RIMS2: variants seen among roughly 807,000 people sequenced by gnomAD.
RIMS2 encodes regulating synaptic membrane exocytosis protein 2.
Under a neutral mutation model 174.4 loss-of-function variants are expected in RIMS2, and 59 were observed. That is an observed-to-expected ratio of 0.34 (90% CI 0.27 to 0.42). RIMS2 has a LOEUF of 0.42. Ranked by LOEUF, RIMS2 falls within the 10% of genes least tolerant of loss-of-function variation. The probability of loss-of-function intolerance (pLI) is 1.00; values close to 1 mark genes in which losing one functional copy is unlikely to be tolerated. For missense variants in RIMS2, 1,620 were observed against 1,666.3 expected (o/e 0.97, Z 0.48); for synonymous variants, 606 against 572.5 (o/e 1.06, Z -0.84).
chr8:103,947,280 C>T (rs757931888), intron 14 of RIMS2, among the ~76,000 whole-genome samples: 13 of 152,130 alleles, frequency 8.5e-5, no homozygotes, highest in African/African-American at 2.7e-4. Flanking sequence ...ATTTGCTTTT[C>T]AAGACATCAT....
chr8:103,505,701 G>A (rs1823167065), intron 1 of RIMS2, among the ~76,000 whole-genome samples: 1 of 152,152 alleles, frequency 6.6e-6, no homozygotes, highest in African/African-American at 2.4e-5. Flanking sequence ...TGTAGAGGAA[G>A]TGTGTATAAG....
chr8:103,884,333 C>A (rs967157458), intron 3 of RIMS2, among the ~76,000 whole-genome samples: 1 of 151,882 alleles, frequency 6.6e-6, no homozygotes, highest in Non-Finnish European at 1.5e-5. Flanking sequence ...CTGGCAAAAT[C>A]CCCATAATAG....
chr8:104,147,826 T>A (rs1050906454), intron 19 of RIMS2, among the ~76,000 whole-genome samples: 3 of 152,188 alleles, frequency 2.0e-5, no homozygotes, highest in Non-Finnish European at 4.4e-5. Flanking sequence ...AAATCCAAAG[T>A]CATTTCTTTA....
chr8:103,745,739 T>G (rs990347157), intron 2 of RIMS2, among the ~76,000 whole-genome samples: 1 of 152,224 alleles, frequency 6.6e-6, no homozygotes, highest in South Asian at 2.1e-4. Flanking sequence ...GCATTACTTC[T>G]TATGCTTTTT....
At chr8:104,049,126 TAAA>T (rs397891918) in intron 19 of RIMS2, among the ~76,000 whole-genome samples, 4 of 139,822 alleles carry the variant, frequency 2.9e-5, no homozygotes, top group Admixed American at 7.2e-5. Flanking sequence ...GATTTTTCTT[TAAA>T]AAAAAAAAAA....
chr8:104,119,460 T>G (rs2098337827), intron 19 of RIMS2, among the ~76,000 whole-genome samples: 1 of 152,172 alleles, frequency 6.6e-6, no homozygotes, highest in Non-Finnish European at 1.5e-5. Flanking sequence ...GGAAAAATGC[T>G]TAGCAAAAGA....
intron 1 of RIMS2, among the ~76,000 whole-genome samples, chr8:103,533,286 G>A (rs1481641348): frequency 6.6e-6 from 1 of 152,170 alleles, no homozygotes; most frequent in Non-Finnish European, 1.5e-5. Flanking sequence ...AAAGAGTTGA[G>A]GGTATTGGGA....
intron 2 of RIMS2, among the ~76,000 whole-genome samples, chr8:103,748,212 C>G (rs1287646430): frequency 6.6e-6 from 1 of 151,958 alleles, no homozygotes; most frequent in Non-Finnish European, 1.5e-5. Flanking sequence ...GAGGCTGAGA[C>G]AGGCAGATTC....
At chr8:103,852,617 T>C (rs1490434746) in intron 3 of RIMS2, among the ~76,000 whole-genome samples, 1 of 151,854 alleles carries the variant, frequency 6.6e-6, no homozygotes, top group Non-Finnish European at 1.5e-5. Context: ...TCCATGGGTG[T>C]TCAATATTTA....
chr8:104,049,349 C>T (rs1360576909), intron 19 of RIMS2, among the ~76,000 whole-genome samples: 4 of 151,946 alleles, frequency 2.6e-5, no homozygotes, highest in Admixed American at 2.0e-4. Context: ...AACCCGAACC[C>T]GGGAGGCGGA....
At chr8:104,077,402 A>G (rs182862230) in intron 19 of RIMS2, among the ~76,000 whole-genome samples, 10 of 152,028 alleles carry the variant, frequency 6.6e-5, no homozygotes, top group Non-Finnish European at 1.5e-4. Context: ...AATCTTAAAA[A>G]CAGGTGGGGA....
rs549215512 is a variant in RIMS2 at position 103,689,618 on chromosome 8, T to A, written c.177-7468T>A. Reference sequence around the variant, plus strand: ...TTTATCATTACATAATGACCTTCTTTGTTTCTTTTTATAATTTTTGTCTTG... The same window carrying A: ...TTTATCATTACATAATGACCTTCTTAGTTTCTTTTTATAATTTTTGTCTTG... On this transcript the variant is annotated intron_variant, in intron 1 of 23. Transcript: ENST00000504942. Among the ~76,000 whole-genome samples, 6 of 152,270 alleles carry A rather than the reference T, an allele frequency of 3.9e-5. No homozygotes were observed. In the East Asian group the frequency reaches 1.2e-3, roughly 29 times the overall value.
chr8:103,876,909 T>TATATATATACACACAC (rs71297243), intron 3 of RIMS2, among the ~76,000 whole-genome samples: 1 of 66,112 alleles, frequency 1.5e-5, no homozygotes, highest in Non-Finnish European at 3.6e-5. Context: ...TATATATATA[T>TATATATATACACACAC]ACACACACAC....
intron 19 of RIMS2, among the ~76,000 whole-genome samples, chr8:104,146,204 CAAAAAAAAAAAA>C (rs36101798): frequency 3.0e-5 from 2 of 65,896 alleles, no homozygotes; most frequent in African/African-American, 1.2e-4. Context: ...TCTCCTCTCC[CAAAAAAAAAAAA>C]AAAAAAAAAA....
chr8:103,701,288 T>C (rs553817566), intron 2 of RIMS2, among the ~76,000 whole-genome samples: 1 of 152,262 alleles, frequency 6.6e-6, no homozygotes, highest in South Asian at 2.1e-4. Flanking sequence ...ATTAAAAATT[T>C]ATGGATACAT....
rs901593325 is a variant in RIMS2 at position 103,521,107 on chromosome 8, G to A, written c.176+20045G>A. On this transcript the variant is annotated intron_variant, in intron 1 of 23. Coordinates refer to ENST00000504942, the Ensembl canonical transcript of RIMS2. ...CAATGAGAACACATGGACACAGGAAGGGGAACATCACACTCTGGGGACTGT... is the reference window on the plus strand; with the variant it reads ...CAATGAGAACACATGGACACAGGAAAGGGAACATCACACTCTGGGGACTGT... Among the ~76,000 whole-genome samples, 3 of 146,218 alleles carry A rather than the reference G, an allele frequency of 2.1e-5. No individual in the cohort carries two copies. In the Admixed American group the frequency reaches 2.1e-4, roughly 10 times the overall value.
At chr8:103,986,103 A>T (rs2094340450) in intron 16 of RIMS2, among the ~76,000 whole-genome samples, 1 of 152,220 alleles carries the variant, frequency 6.6e-6, no homozygotes, top group African/African-American at 2.4e-5. Context: ...TCTCACACAA[A>T]AGAATAAATA....
chr8:104,146,839 G>A (rs765506338), intron 19 of RIMS2, among the ~76,000 whole-genome samples: 4 of 152,092 alleles, frequency 2.6e-5, no homozygotes, highest in Non-Finnish European at 5.9e-5. Context: ...TGGGACTACA[G>A]GCATGTGCCA....
chr8:104,066,311 C>T (rs1259079043), intron 19 of RIMS2, among the ~76,000 whole-genome samples: 3 of 152,088 alleles, frequency 2.0e-5, no homozygotes, highest in Non-Finnish European at 4.4e-5. Context: ...AGGATGTTGC[C>T]ATCCAGAAAA....
Sources: gnomAD v4.1 joint callset for allele counts (sites outside exome capture counted in the v4.1 genomes callset) on GRCh38, gnomAD v4.1.1 for gene constraint, MANE v1.5 for transcripts, NCBI Gene and HGNC (gene_info 2026-07-23, HGNC 2026-07-21) for gene names.